Variants in AGAP2 observed in about 807,000 individuals in gnomAD.
AGAP2 encodes the protein arf-GAP with GTPase, ANK repeat and PH domain-containing protein 2.
Under a neutral mutation model 110.9 loss-of-function variants are expected in AGAP2, and 32 were observed. The observed-to-expected ratio is 0.29, with a 90% CI of 0.22 to 0.39. AGAP2 has a LOEUF of 0.39. AGAP2 is among the 10% of genes least tolerant of loss of function. The probability of loss-of-function intolerance (pLI) is 1.00; values close to 1 mark genes in which losing one functional copy is unlikely to be tolerated. For missense variants in AGAP2, 1,285 were observed against 1,638.5 expected (o/e 0.78, Z 3.72); for synonymous variants, 702 against 713.0 (o/e 0.98, Z 0.25).
At chr12:57,730,674 G>A (rs1486490760) in intron 11 of AGAP2, 60 bp from the exon 12 acceptor site, 3 of 1,605,450 alleles carry the variant, frequency 1.9e-6, no homozygotes, top group Non-Finnish European at 2.6e-6. Context: ...TCCTTATGTG[G>A]TCCCTCTTTA....
Position 57,726,595 on chromosome 12 carries a change from G to C in AGAP2, c.3536C>G (p.Ala1179Gly). 2 of 1,204,140 alleles carry C rather than the reference G, an allele frequency of 1.7e-6. No individual in the cohort carries two copies. The allele number at this position is 1,204,140 out of a possible 1,614,324, so 74.6% of individuals were successfully genotyped here. A position where few individuals can be genotyped will look rare whatever the true frequency, so the allele number is the denominator to read the frequency against. Residue 1179 changes from alanine (A) to glycine (G), a missense_variant, in exon 19 of 19, where the codon GCC (alanine) becomes GGC (glycine). Physicochemically the swap from Ala to Gly is moderately conservative, Grantham distance 60. Transcript: ENST00000547588. This position sits in a 1 kb window ranked among gnomAD's most constrained non-coding sequence, Gnocchi z 5.7. ...ATPSPRRRSS[A>G]ASVGRADAPV... ...GGCGTCGGCGCGGCCCACGCTAGCG[G>C]CGCTGCTCCGGCGGCGGGGGCTGGG...
rs1201521558 is a variant in AGAP2, at chr12:57,738,229, G to T, written c.18C>A (p.Gly6=). ...AGGTCGTTGTCCGGCGCTGAAGCGC[G>T]CCCGCGCCCCGGCTCATGGGGCCCG... MSRGA[G]ALQRRTTTYL... The change falls in exon 1 of 19, where the codon GGC becomes GGA. Residue 6 remains glycine, a synonymous_variant. Coordinates refer to ENST00000547588, the MANE Select transcript of AGAP2 (RefSeq NM_001122772.3). This position sits in a 1 kb window ranked among gnomAD's most constrained non-coding sequence, Gnocchi z 6.7. 1.6e-5 allele frequency: 24 copies of T among 1,517,680 alleles called. No individual in the cohort carries two copies. The highest frequency in any genetic ancestry group is 2.1e-5 in the Non-Finnish European group (24 of 1,137,908). The allele number at this position is 1,517,680 out of a possible 1,614,324, so 94.0% of individuals were successfully genotyped here.
intron 1 of AGAP2, 146 bp from the exon 2 acceptor site, chr12:57,735,573 G>T: frequency 1.4e-6 from 1 of 731,078 alleles, no homozygotes. Flanking sequence ...ACAGGTTTGA[G>T]GGTGGTCCCC....
Position 57,738,192 on chromosome 12 carries a change from G to C in AGAP2, c.55C>G (p.Leu19Val), listed in dbSNP as rs1404667713. ...QRRTTTYLIS[L>V]TLVKLESVPP... ...ACCGACTCGAGCTTAACCAGGGTCA[G>C]CGAGATGAGGTAGGTCGTTGTCCGG... Residue 19 changes from leucine (L) to valine (V), a missense_variant, in exon 1 of 19, where the codon CTG (leucine) becomes GTG (valine). Around this residue, in one of 7 missense-constraint regions of AGAP2, gnomAD observed 844 missense variants for 941.2 expected, o/e 0.90. Transcript: ENST00000547588. The surrounding 1 kb of genome is among the most constrained non-coding windows in gnomAD (Gnocchi z 6.7). 5.2e-6 allele frequency: 8 copies of C among 1,525,676 alleles called. No homozygotes were observed. Among genetic ancestry groups the C allele is most frequent in the Non-Finnish European group, 7.0e-6 (8 of 1,141,810 alleles). The allele number at this position is 1,525,676 out of a possible 1,614,324, so 94.5% of individuals were successfully genotyped here. A position where few individuals can be genotyped will look rare whatever the true frequency, so the allele number is the denominator to read the frequency against.
At position 57,726,816 on chromosome 12, in the gene AGAP2, G is replaced by A; in HGVS notation, c.3337-22C>T. On this transcript the variant is annotated intron_variant, in intron 18 of 18. Transcript: ENST00000547588. This position sits in a 1 kb window ranked among gnomAD's most constrained non-coding sequence, Gnocchi z 5.7. Reference sequence around the variant, plus strand: ...CGTACTAGAGGGCGGAAACGGCCGCGTGACCGCGCGTCCCCAGGGCGCCCA... The same window carrying A: ...CGTACTAGAGGGCGGAAACGGCCGCATGACCGCGCGTCCCCAGGGCGCCCA... 7.0e-7 allele frequency: 1 copy of A among 1,427,908 alleles called. No individual in the cohort carries two copies. Among genetic ancestry groups the A allele is most frequent in the Non-Finnish European group, 9.1e-7 (1 of 1,095,736 alleles). The allele number at this position is 1,427,908 out of a possible 1,614,324, so 88.5% of individuals were successfully genotyped here. A position where few individuals can be genotyped will look rare whatever the true frequency, so the allele number is the denominator to read the frequency against.
rs901787080 is a variant in AGAP2, at chr12:57,726,072, G to C, written c.*480C>G. The stretch of plus-strand genomic sequence containing the variant: ...TGAGCATGGAAGGGGTAGGGTTTCC[G>C]TATTGGCCCCAAGTCCCGGGGCTAG... On this transcript the variant is annotated 3_prime_UTR_variant, in exon 19 of 19. Transcript: ENST00000547588. This position sits in a 1 kb window ranked among gnomAD's most constrained non-coding sequence, Gnocchi z 5.7. 1 of 152,226 alleles carries C rather than the reference G, an allele frequency of 6.6e-6. No individual in the cohort carries two copies. Among genetic ancestry groups the C allele is most frequent in the Non-Finnish European group, 1.5e-5 (1 of 68,100 alleles). 9.4% of individuals were successfully genotyped at this position (152,226 alleles called of 1,614,324 possible). A position where few individuals can be genotyped will look rare whatever the true frequency, so the allele number is the denominator to read the frequency against.
chr12:57,729,657 A>G lies in AGAP2; in HGVS notation c.2539T>C (p.Ser847Pro). The part of the protein sequence containing the change: ...KLTTPSKTEG[S>P]AGQAEAKRKM... Reference sequence around the variant, plus strand: ...GCCTCACCTTCAGCCTGCCCAGCCGAGCCTTCAGTCTTGGATGGTGTTGTC... The same window carrying G: ...GCCTCACCTTCAGCCTGCCCAGCCGGGCCTTCAGTCTTGGATGGTGTTGTC... The change falls in exon 13 of 19, where the codon TCG becomes CCG. Residue 847 changes from serine to proline, a missense_variant. By Grantham distance (74) the Ser-to-Pro change is moderately conservative. This residue lies in a region of AGAP2 where 135 missense variants were observed against 182.0 expected (regional missense o/e 0.74). Transcript: ENST00000547588. 6.2e-7 allele frequency: 1 copy of G among 1,613,102 alleles called. No homozygotes were observed. The highest frequency in any genetic ancestry group is 1.1e-5 in the South Asian group (1 of 91,030).
chr12:57,731,636 G>C lies in AGAP2; in HGVS notation c.1960C>G (p.Arg654Gly). The C allele has an allele frequency of 6.2e-7, 1 of 1,614,016 alleles. No homozygotes were observed. The highest frequency in any genetic ancestry group is 1.1e-5 in the South Asian group (1 of 91,060). ...KRRTSLFANR[R>G]GSDSEKRSLD... ...CTTCGTTTCTCGGAGTCACTACCCC[G>C]ACGATTCTGGAATGGTTATTGGAAT... is the stretch of plus-strand genomic sequence containing the variant. The change falls in exon 9 of 19, where the codon CGG becomes GGG. Residue 654 changes from arginine (R) to glycine (G), a missense_variant. Transcript: ENST00000547588.
chr12:57,726,453 G>A lies in AGAP2; in HGVS notation c.*99C>T, dbSNP rs756540180. The A allele has an allele frequency of 2.0e-3, 2,213 of 1,097,220 alleles. No individual in the cohort carries two copies. The highest frequency in any genetic ancestry group is 2.4e-3 in the Non-Finnish European group (2,129 of 893,898). The allele number at this position is 1,097,220 out of a possible 1,614,324, so 68.0% of individuals were successfully genotyped here. ...AGGAAGTGCTCCCGTGGGGCGGGGT[G>A]CGGATCGGAGAGGTGAGTGGGTGCG... is the stretch of plus-strand genomic sequence containing the variant. On this transcript the variant is annotated 3_prime_UTR_variant, in exon 19 of 19. Transcript: ENST00000547588. This position sits in a 1 kb window ranked among gnomAD's most constrained non-coding sequence, Gnocchi z 5.7.
chr12:57,733,874 C>T, intron 5 of AGAP2, 152 bp downstream of exon 5: 3 of 839,288 alleles, frequency 3.6e-6, no homozygotes, highest in South Asian at 2.8e-5. Context: ...TTTCATGACT[C>T]CCTTATTTGG....
intron 5 of AGAP2, 44 bp from the exon 6 acceptor site, chr12:57,733,023 C>T (rs746991405): frequency 2.5e-6 from 4 of 1,610,658 alleles, no homozygotes; most frequent in South Asian, 1.1e-5. Context: ...GGAGCCCCAC[C>T]TTGTTCGATT....
chr12:57,741,323 G>A (rs1328747468), upstream of AGAP2, among the ~76,000 whole-genome samples: 1 of 152,150 alleles, frequency 6.6e-6, no homozygotes, highest in African/African-American at 2.4e-5. Flanking sequence ...CAGGAGCAAG[G>A]GGAGGAGAGG....
intron 1 of AGAP2, among the ~76,000 whole-genome samples, chr12:57,736,657 C>A (rs1418840224): frequency 6.6e-6 from 1 of 152,256 alleles, no homozygotes; most frequent in Non-Finnish European, 1.5e-5. Context: ...CACTGTCATG[C>A]CACCTGCCCC....
At chr12:57,729,100 C>A (rs1352771613) in intron 13 of AGAP2, among the ~76,000 whole-genome samples, 1 of 145,348 alleles carries the variant, frequency 6.9e-6, no homozygotes, top group Admixed American at 7.1e-5. Context: ...GGTGTGAACC[C>A]GGGAGGCAGA....
chr12:57,733,608 CT>C (rs1954926719), intron 5 of AGAP2, among the ~76,000 whole-genome samples: 1 of 152,158 alleles, frequency 6.6e-6, no homozygotes, highest in African/African-American at 2.4e-5. Context: ...TGTGTTTTCA[CT>C]TTGTTTTTGG....
In AGAP2 at chr12:57,737,683, C is replaced by T; in HGVS notation, c.564G>A (p.Lys188=). 1 of 1,549,322 alleles carries T rather than the reference C, an allele frequency of 6.5e-7. No individual in the cohort carries two copies. Among genetic ancestry groups the T allele is most frequent in the Non-Finnish European group, 8.7e-7 (1 of 1,148,946 alleles). ...LKVAPPPPAP[K]PCKTVTTSGA... is the part of the protein sequence containing the mutation. ...CACTCGTGGTCACGGTCTTGCAAGG[C>T]TTGGGAGCCGGCGGAGGAGGCGCCA... Residue 188 remains lysine (K), a synonymous_variant, in exon 1 of 19, where the codon AAG becomes AAA. Transcript: ENST00000547588. This position sits in a 1 kb window ranked among gnomAD's most constrained non-coding sequence, Gnocchi z 5.9.
chr12:57,731,332 AG>A (rs1954880218), intron 10 of AGAP2, 33 bp downstream of exon 10: 1 of 1,559,500 alleles, frequency 6.4e-7, no homozygotes. Context: ...GGAAATCCAA[AG>A]CTGGCCAATG....
At chr12:57,731,729 C>T (rs1180943316) in intron 8 of AGAP2, 80 bp downstream of exon 8, 3 of 1,592,648 alleles carry the variant, frequency 1.9e-6, no homozygotes, top group African/African-American at 2.7e-5. Context: ...AAGGGCCCAA[C>T]AGAGGAGTCT....
At chr12:57,741,905 C>G (rs772523359), upstream of AGAP2, 74 of 1,612,044 alleles carry the variant, frequency 4.6e-5, no homozygotes, top group Non-Finnish European at 5.9e-5. Flanking sequence ...GCTGACCTTT[C>G]TCTTACCTCG....
Sources: gnomAD v4.1 joint callset for allele counts (sites outside exome capture counted in the v4.1 genomes callset) on GRCh38, gnomAD v4.1.1 for gene constraint, gnomAD v4.1.1 regional missense constraint, Gnocchi (gnomAD v3.1) non-coding constraint, MANE v1.5 for transcripts, NCBI Gene and HGNC (gene_info 2026-07-23, HGNC 2026-07-21) for gene names.